TRPM3: variants seen among roughly 807,000 people sequenced by gnomAD.
The protein encoded by TRPM3 is long transient receptor potential channel 3.
A neutral mutation model predicts 181.2 loss-of-function variants in TRPM3; 77 were observed. The observed-to-expected ratio is 0.42, with a 90% CI of 0.35 to 0.51. The LOEUF is 0.51. TRPM3 is among the 20% of genes least tolerant of loss of function. The pLI is 0.01. For missense variants in TRPM3, 1,759 were observed against 2,196.7 expected, an observed-to-expected ratio of 0.80 and a Z score of 3.98; for synonymous variants, 745 against 796.4, an observed-to-expected ratio of 0.94 and a Z score of 1.09.
intron 1 of TRPM3, among the ~76,000 whole-genome samples, chr9:71,074,439 C>G (rs1192731338): frequency 6.6e-6 from 1 of 152,124 alleles, no homozygotes; most frequent in Non-Finnish European, 1.5e-5. Context: ...TTCTTGGGCC[C>G]TATTATGTTA....
chr9:71,196,922 G>T (rs1413559784), intron 1 of TRPM3, among the ~76,000 whole-genome samples: 2 of 151,832 alleles, frequency 1.3e-5, no homozygotes, highest in African/African-American at 2.4e-5. Flanking sequence ...ACAATGTGCA[G>T]GTTAGTTACA....
intron 1 of TRPM3, among the ~76,000 whole-genome samples, chr9:71,210,729 A>C (rs1304499900): frequency 2.0e-5 from 3 of 152,190 alleles, no homozygotes; most frequent in African/African-American, 7.2e-5. Flanking sequence ...TGCTATCACA[A>C]AACACCATGG....
intron 1 of TRPM3, among the ~76,000 whole-genome samples, chr9:70,982,154 G>A (rs4745049): frequency 0.69 from 104,902 of 151,952 alleles, 36,341 homozygotes; most frequent in South Asian, 0.73. Context: ...GTCTCAGCTG[G>A]CTTATTTCTC....
chr9:70,537,447 C>T (rs1449488444), intron 25 of TRPM3, 42 bp from the exon 26 acceptor site: 1 of 1,409,024 alleles, frequency 7.1e-7, no homozygotes. Context: ...GGCCTGGTTC[C>T]TCTGCTGGGG....
At chr9:71,446,711 C>G in exon 1 of TRPM3, 1 of 1,550,612 alleles carries the variant, frequency 6.4e-7, no homozygotes, top group Non-Finnish European at 8.7e-7. Flanking sequence ...GGAACTTAAC[C>G]TTTTCCACGA....
rs1219607823 is a variant in TRPM3, at chr9:70,532,228, T to C, written c.*3725A>G. 6.6e-6 allele frequency: 1 copy of C among 152,192 alleles called. No homozygotes were observed. Among genetic ancestry groups the C allele is most frequent in the African/African-American group, 2.4e-5 (1 of 41,446 alleles). 9.4% of individuals were successfully genotyped at this position (152,192 alleles called of 1,614,324 possible). A position where few individuals can be genotyped will look rare whatever the true frequency, so the allele number is the denominator to read the frequency against. Reference sequence around the variant, plus strand: ...TTCAGGAAGATTAGACTGTACAGACTCAGAAAGTAAAAAAGTACTATCCAG... The same window carrying C: ...TTCAGGAAGATTAGACTGTACAGACCCAGAAAGTAAAAAAGTACTATCCAG... On this transcript the variant is annotated 3_prime_UTR_variant, in exon 26 of 26. Coordinates refer to ENST00000677713, the MANE Select transcript of TRPM3 (RefSeq NM_001366145.2).
At chr9:71,160,310 C>T (rs2076217048) in intron 1 of TRPM3, among the ~76,000 whole-genome samples, 1 of 152,108 alleles carries the variant, frequency 6.6e-6, no homozygotes, top group Non-Finnish European at 1.5e-5. Flanking sequence ...CCTTCATCTG[C>T]TCTTTAAAAA....
intron 9 of TRPM3, among the ~76,000 whole-genome samples, chr9:70,677,920 AAT>A (rs1491408567): frequency 1.5e-5 from 2 of 131,430 alleles, no homozygotes; most frequent in Non-Finnish European, 3.3e-5. Context: ...AATAATAAAC[AAT>A]TTTTTTTTTT....
chr9:71,037,677 C>G (rs766001639), intron 1 of TRPM3, among the ~76,000 whole-genome samples: 2 of 152,226 alleles, frequency 1.3e-5, no homozygotes, highest in Non-Finnish European at 2.9e-5. Flanking sequence ...GGCTAACAGC[C>G]TGCAGAACAT....
At chr9:71,312,569 CA>C (rs2088067497) in intron 1 of TRPM3, among the ~76,000 whole-genome samples, 1 of 152,114 alleles carries the variant, frequency 6.6e-6, no homozygotes, top group Non-Finnish European at 1.5e-5. Context: ...AAATGAATTG[CA>C]AACTTACATC....
At chr9:71,282,648 C>T (rs147863601) in intron 1 of TRPM3, among the ~76,000 whole-genome samples, 1 of 152,300 alleles carries the variant, frequency 6.6e-6, no homozygotes, top group Non-Finnish European at 1.5e-5. Context: ...AAATTAATGG[C>T]ATGCTCTTTC....
chr9:70,694,570 T>C (rs977160163), intron 8 of TRPM3, among the ~76,000 whole-genome samples: 10 of 152,126 alleles, frequency 6.6e-5, no homozygotes, highest in African/African-American at 2.4e-4. Flanking sequence ...AAGCTCCGCC[T>C]CCTGGGTTCA....
intron 1 of TRPM3, among the ~76,000 whole-genome samples, chr9:71,248,340 A>G (rs376845513): frequency 8.1e-4 from 123 of 152,296 alleles, no homozygotes; most frequent in African/African-American, 2.7e-3. Flanking sequence ...GCCTCTGGGT[A>G]TGGTAAGGTG....
At chr9:71,202,647 G>A (rs1476950075) in intron 1 of TRPM3, among the ~76,000 whole-genome samples, 1 of 152,178 alleles carries the variant, frequency 6.6e-6, no homozygotes, top group African/African-American at 2.4e-5. Flanking sequence ...GTGCAGGGTG[G>A]TATGTCAGTT....
intron 8 of TRPM3, among the ~76,000 whole-genome samples, chr9:70,737,900 G>A (rs2073103706): frequency 6.6e-6 from 1 of 152,100 alleles, no homozygotes; most frequent in Admixed American, 6.5e-5. Context: ...TAAGAAATGA[G>A]ATAGACAGCA....
intron 9 of TRPM3, among the ~76,000 whole-genome samples, chr9:70,661,021 T>A (rs980227750): frequency 6.6e-6 from 1 of 152,060 alleles, no homozygotes. Flanking sequence ...TGAACACAGA[T>A]GCAAAAATCC....
intron 6 of TRPM3, among the ~76,000 whole-genome samples, chr9:70,789,068 T>G (rs1163972651): frequency 1.3e-5 from 2 of 152,190 alleles, no homozygotes; most frequent in Non-Finnish European, 2.9e-5. Context: ...TCTTTCTTTC[T>G]TGTTTTTTTT....
At chr9:71,274,462 T>A (rs1447974480) in intron 1 of TRPM3, among the ~76,000 whole-genome samples, 1 of 152,186 alleles carries the variant, frequency 6.6e-6, no homozygotes, top group Non-Finnish European at 1.5e-5. Flanking sequence ...GGGCCACTTA[T>A]ATTACATTTA....
chr9:71,342,269 T>TAC (rs2091012614), intron 1 of TRPM3, among the ~76,000 whole-genome samples: 1 of 141,366 alleles, frequency 7.1e-6, no homozygotes, highest in Non-Finnish European at 1.6e-5. Flanking sequence ...TATATATATA[T>TAC]AAATAAATAT....
Sources: allele counts gnomAD v4.1 joint callset (sites outside exome capture counted in the v4.1 genomes callset), GRCh38; gene constraint gnomAD v4.1.1; transcripts MANE v1.5; gene names NCBI Gene and HGNC (gene_info 2026-07-23, HGNC 2026-07-21).